The following FOXN3 variants were observed in gnomAD, a reference collection of about 807,000 sequenced individuals.
FOXN3 encodes forkhead box N3, also known as forkhead box protein N3.
Under a neutral mutation model 38.4 loss-of-function variants are expected in FOXN3, and 7 were observed. The observed-to-expected ratio is 0.18, with a 90% CI of 0.10 to 0.34. The LOEUF (loss-of-function observed/expected upper bound fraction) is 0.34. FOXN3 is among the 10% of genes least tolerant of loss of function. The probability of loss-of-function intolerance (pLI) is 1.00; values close to 1 mark genes in which losing one functional copy is unlikely to be tolerated. For missense variants in FOXN3, 456 were observed against 613.4 expected (o/e 0.74, Z 2.71); for synonymous variants, 230 against 242.2 (o/e 0.95, Z 0.47).
chr14:89,297,277 T>C (rs532273379), intron 3 of FOXN3, among the ~76,000 whole-genome samples: 215 of 151,932 alleles, frequency 1.4e-3, no homozygotes, highest in African/African-American at 4.9e-3. Context: ...AAATTAAACA[T>C]AGGGGCCGGG....
intron 4 of FOXN3, among the ~76,000 whole-genome samples, chr14:89,215,853 C>T (rs1884263730): frequency 6.6e-6 from 1 of 152,168 alleles, no homozygotes; most frequent in Non-Finnish European, 1.5e-5. Flanking sequence ...AAAATCTTAA[C>T]AGCTGGGCAG....
At chr14:89,423,827 T>C (rs1344863582) in intron 1 of FOXN3, among the ~76,000 whole-genome samples, 2 of 152,316 alleles carry the variant, frequency 1.3e-5, no homozygotes, top group Admixed American at 6.5e-5. Context: ...AAATTAAAAT[T>C]TCAGTGAGCA....
chr14:89,167,525 G>A (rs372814206), intron 5 of FOXN3, among the ~76,000 whole-genome samples: 1 of 152,166 alleles, frequency 6.6e-6, no homozygotes, highest in African/African-American at 2.4e-5. Flanking sequence ...GTAGAAGCAG[G>A]GGACTGGAGC....
At chr14:89,322,197 A>T (rs1887917176) in intron 3 of FOXN3, among the ~76,000 whole-genome samples, 1 of 152,132 alleles carries the variant, frequency 6.6e-6, no homozygotes, top group Admixed American at 6.6e-5. Flanking sequence ...GTTAATAATT[A>T]GCAGGAAGCA....
At chr14:89,249,436 G>C (rs1885389584) in intron 4 of FOXN3, among the ~76,000 whole-genome samples, 1 of 152,170 alleles carries the variant, frequency 6.6e-6, no homozygotes, top group Non-Finnish European at 1.5e-5. Context: ...CACAGCCTTT[G>C]AAATGCTGAG....
chr14:89,552,790 C>T (rs905485104), intron 1 of FOXN3, among the ~76,000 whole-genome samples: 2 of 151,640 alleles, frequency 1.3e-5, no homozygotes, highest in African/African-American at 4.8e-5. Flanking sequence ...ACCCAGGAGA[C>T]GGAGGTCACA....
chr14:89,237,528 A>G (rs2139862061), intron 4 of FOXN3, among the ~76,000 whole-genome samples: 1 of 150,094 alleles, frequency 6.7e-6, no homozygotes, highest in South Asian at 2.1e-4. Flanking sequence ...TCTTGACTAT[A>G]TCAATGTCAA....
At chr14:89,409,673 C>G (rs1032796844) in intron 2 of FOXN3, among the ~76,000 whole-genome samples, 9 of 152,212 alleles carry the variant, frequency 5.9e-5, no homozygotes, top group Non-Finnish European at 1.3e-4. Flanking sequence ...TCTCCACGTT[C>G]TCAGTCTGGA....
chr14:89,197,073 C>T (rs1305180791), intron 4 of FOXN3, among the ~76,000 whole-genome samples: 1 of 152,234 alleles, frequency 6.6e-6, no homozygotes, highest in Non-Finnish European at 1.5e-5. Flanking sequence ...GTTTCTCCAG[C>T]TCTCTCTGCT....
At chr14:89,324,488 G>A (rs1228206213) in intron 3 of FOXN3, among the ~76,000 whole-genome samples, 1 of 147,642 alleles carries the variant, frequency 6.8e-6, no homozygotes, top group African/African-American at 2.5e-5. Flanking sequence ...GTGTGTGTAT[G>A]TACCCACATC....
intron 1 of FOXN3, among the ~76,000 whole-genome samples, chr14:89,585,145 C>T (rs1339602480): frequency 6.6e-6 from 1 of 152,182 alleles, no homozygotes; most frequent in African/African-American, 2.4e-5. Flanking sequence ...GACCCACACA[C>T]CTCACACTTT....
intron 2 of FOXN3, among the ~76,000 whole-genome samples, chr14:89,353,151 C>T (rs1272731741): frequency 1.3e-5 from 2 of 152,008 alleles, no homozygotes; most frequent in Non-Finnish European, 2.9e-5. Context: ...CCTGAGTGGC[C>T]CTGCACAAAT....
intron 1 of FOXN3, among the ~76,000 whole-genome samples, chr14:89,457,432 G>C (rs563214733): frequency 6.6e-6 from 1 of 152,298 alleles, no homozygotes; most frequent in East Asian, 1.9e-4. Flanking sequence ...GGAACCCGGA[G>C]CCTAATGCTT....
At chr14:89,228,765 C>G (rs149009107) in intron 4 of FOXN3, among the ~76,000 whole-genome samples, 201 of 152,260 alleles carry the variant, frequency 1.3e-3, no homozygotes, top group African/African-American at 4.7e-3. Context: ...GAATATAACA[C>G]CTGGAATAAA....
At chr14:89,485,530 G>A (rs1330497602) in intron 1 of FOXN3, among the ~76,000 whole-genome samples, 1 of 152,170 alleles carries the variant, frequency 6.6e-6, no homozygotes, top group Non-Finnish European at 1.5e-5. Flanking sequence ...GAGGATGGCA[G>A]GTGTGTGAGA....
At chr14:89,433,274 G>A (rs1892201374) in intron 1 of FOXN3, among the ~76,000 whole-genome samples, 1 of 152,144 alleles carries the variant, frequency 6.6e-6, no homozygotes, top group East Asian at 1.9e-4. Context: ...ACAACGTCAG[G>A]AGTTCAAGAC....
intron 1 of FOXN3, among the ~76,000 whole-genome samples, chr14:89,491,519 C>G (rs1893575187): frequency 6.6e-6 from 1 of 152,026 alleles, no homozygotes; most frequent in South Asian, 2.1e-4. Context: ...AATTCAGGAC[C>G]CATGGACAGG....
At chr14:89,562,071 C>T (rs1372043557) in intron 1 of FOXN3, among the ~76,000 whole-genome samples, 1 of 151,966 alleles carries the variant, frequency 6.6e-6, no homozygotes, top group Non-Finnish European at 1.5e-5. Flanking sequence ...AAAAAATGTA[C>T]AGGTAAGTAA....
At position 89,158,511 on chromosome 14, in the gene FOXN3, G is replaced by A. The variant is rs1887028861; in HGVS notation, c.*3903C>T. 6.6e-6 allele frequency: 1 copy of A among 152,646 alleles called. No homozygotes were observed. The highest frequency in any genetic ancestry group is 2.4e-5 in the African/African-American group (1 of 41,462). 9.5% of individuals were successfully genotyped at this position (152,646 alleles called of 1,614,324 possible). ...GCCATGGTTTTCTCCAACCACCAGT[G>A]AAATATGGGTTTGGTTCATTTTAGT... On this transcript the variant is annotated 3_prime_UTR_variant, in exon 6 of 6. Coordinates refer to ENST00000557258, the MANE Select transcript of FOXN3 (RefSeq NM_005197.4).
Sources: allele counts gnomAD v4.1 joint callset (sites outside exome capture counted in the v4.1 genomes callset), GRCh38; gene constraint gnomAD v4.1.1; transcripts MANE v1.5; gene names NCBI Gene and HGNC (gene_info 2026-07-23, HGNC 2026-07-21).